The following IMPG1 variants were observed in gnomAD, a reference collection of about 807,000 sequenced individuals.
IMPG1 encodes interphotoreceptor matrix proteoglycan 1.
IMPG1 carries 85 observed loss-of-function variants against 92.0 expected under a neutral mutation model. That is an observed-to-expected ratio of 0.92 (90% confidence interval 0.78 to 1.11). The LOEUF is 1.11. Ranked by LOEUF, IMPG1 falls within the 50% of genes least tolerant of loss-of-function variation. The pLI is 0.00. For missense variants in IMPG1, 1,022 were observed against 956.0 expected (o/e 1.07, Z -0.91); for synonymous variants, 367 against 334.1 (o/e 1.10, Z -1.08).
At chr6:75,933,942 A>G (rs1419580666) in intron 14 of IMPG1, among the ~76,000 whole-genome samples, 1 of 152,236 alleles carries the variant, frequency 6.6e-6, no homozygotes, top group Non-Finnish European at 1.5e-5. Context: ...CATTTTAGCT[A>G]GTAAGTATGA....
At chr6:75,974,145 A>C (rs1052183921) in intron 12 of IMPG1, among the ~76,000 whole-genome samples, 1 of 152,224 alleles carries the variant, frequency 6.6e-6, no homozygotes, top group African/African-American at 2.4e-5. Flanking sequence ...GCTGTTTTTA[A>C]GATAATGCAA....
At chr6:76,035,251 C>G (rs1783720250) in intron 2 of IMPG1, among the ~76,000 whole-genome samples, 2 of 151,866 alleles carry the variant, frequency 1.3e-5, no homozygotes, top group Admixed American at 1.3e-4. Context: ...GCCTGTAATC[C>G]CAGCACTTTG....
At chr6:76,070,831 A>G (rs1784393200) in intron 1 of IMPG1, among the ~76,000 whole-genome samples, 1 of 152,072 alleles carries the variant, frequency 6.6e-6, no homozygotes. Context: ...GAGAGAGTGG[A>G]AGGGGAATGA....
intron 12 of IMPG1, among the ~76,000 whole-genome samples, chr6:75,972,017 G>C (rs1782427949): frequency 6.6e-6 from 1 of 152,036 alleles, no homozygotes; most frequent in South Asian, 2.1e-4. Context: ...TCTTATAATT[G>C]CATGACAGCT....
intron 13 of IMPG1, among the ~76,000 whole-genome samples, chr6:75,948,243 A>G (rs1448423832): frequency 6.6e-6 from 1 of 152,350 alleles, no homozygotes; most frequent in African/African-American, 2.4e-5. Context: ...TCTCAACAGT[A>G]TGCCCCATGG....
chr6:76,045,355 C>T (rs926180118), intron 1 of IMPG1, among the ~76,000 whole-genome samples: 2 of 151,742 alleles, frequency 1.3e-5, no homozygotes, highest in East Asian at 1.9e-4. Flanking sequence ...TCTGGTGCAG[C>T]GAACACCAAG....
intron 7 of IMPG1, 27 bp from the exon 8 acceptor site, chr6:76,011,251 T>C (rs373523211): frequency 2.5e-5 from 32 of 1,276,276 alleles, no homozygotes; most frequent in Non-Finnish European, 3.5e-5. Context: ...ATTTGTAAAA[T>C]ACTCTTTGGT....
intron 12 of IMPG1, among the ~76,000 whole-genome samples, chr6:75,982,080 G>C (rs1782636095): frequency 6.6e-6 from 1 of 152,084 alleles, no homozygotes; most frequent in Non-Finnish European, 1.5e-5. Flanking sequence ...AAAACAAACT[G>C]TATTTGAAGA....
chr6:76,053,483 C>A (rs1440620865), intron 1 of IMPG1, among the ~76,000 whole-genome samples: 1 of 152,108 alleles, frequency 6.6e-6, no homozygotes, highest in Non-Finnish European at 1.5e-5. Flanking sequence ...CAGGAGGAAG[C>A]TAACTTCAGA....
At chr6:75,987,335 A>C (rs1472505151) in intron 12 of IMPG1, among the ~76,000 whole-genome samples, 1 of 148,316 alleles carries the variant, frequency 6.7e-6, no homozygotes, top group Non-Finnish European at 1.5e-5. Context: ...TTTAAGTTCT[A>C]GGGTACATGT....
chr6:75,971,682 T>G (rs980282132), intron 12 of IMPG1, among the ~76,000 whole-genome samples: 1 of 152,296 alleles, frequency 6.6e-6, no homozygotes, highest in South Asian at 2.1e-4. Flanking sequence ...TGTGAAAAAC[T>G]TCAGTGTCTT....
chr6:75,989,517 T>C (rs911722004), intron 12 of IMPG1, among the ~76,000 whole-genome samples: 3 of 152,206 alleles, frequency 2.0e-5, no homozygotes, highest in Non-Finnish European at 2.9e-5. Context: ...GGTTTGAGGA[T>C]CTAAAGAGTA....
intron 1 of IMPG1, among the ~76,000 whole-genome samples, chr6:76,055,621 T>C (rs1784108254): frequency 6.6e-6 from 1 of 151,866 alleles, no homozygotes; most frequent in South Asian, 2.1e-4. Flanking sequence ...CAAACTTTTT[T>C]GGAAAATACT....
At chr6:75,936,449 TCAATGATAAATAGCA>T (rs1431240302) in intron 14 of IMPG1, among the ~76,000 whole-genome samples, 1 of 152,250 alleles carries the variant, frequency 6.6e-6, no homozygotes, top group East Asian at 1.9e-4. Context: ...GTGAGAATAT[TCAATGATAAATAGCA>T]CATAGCACAG....
intron 12 of IMPG1, among the ~76,000 whole-genome samples, chr6:75,974,371 CTTTCTTTCTTTCTTTCTTTCT>C (rs1562354559): frequency 4.5e-5 from 4 of 89,266 alleles, no homozygotes; most frequent in South Asian, 3.8e-4. Context: ...TTCTTTCTTT[CTTTCTTTCTTTCTTTCTTTCT>C]TTTCTTTCTT....
At chr6:75,942,246 C>G (rs530807879) in intron 14 of IMPG1, among the ~76,000 whole-genome samples, 1 of 152,112 alleles carries the variant, frequency 6.6e-6, no homozygotes, top group South Asian at 2.1e-4. Flanking sequence ...GCCTTTTTTT[C>G]TTGTCAAAGA....
At chr6:75,934,653 G>A (rs367694206) in intron 14 of IMPG1, among the ~76,000 whole-genome samples, 15 of 152,234 alleles carry the variant, frequency 9.9e-5, no homozygotes, top group East Asian at 5.8e-4. Flanking sequence ...GTCCAAGACT[G>A]CCTCTTTTTC....
rs189902714 is a variant in IMPG1, at chr6:75,939,247, G to T, written c.2044+8067C>A. On this transcript the variant is annotated intron_variant, in intron 14 of 16. Coordinates refer to ENST00000369950, the MANE Select transcript of IMPG1 (RefSeq NM_001563.4). ...AAGTTTTAGGGTACATGTGCACAACGTGCAGGTTTGTTACATATGTATACA... is the reference window on the plus strand; with the variant it reads ...AAGTTTTAGGGTACATGTGCACAACTTGCAGGTTTGTTACATATGTATACA... 3.9e-5 allele frequency among the ~76,000 whole-genome samples: 6 copies of T among 151,910 alleles called. No individual in the cohort carries two copies. In the South Asian group the frequency reaches 8.3e-4, roughly 21 times the overall value.
At chr6:76,018,344 G>C (rs537382496) in intron 7 of IMPG1, among the ~76,000 whole-genome samples, 1 of 152,192 alleles carries the variant, frequency 6.6e-6, no homozygotes, top group Non-Finnish European at 1.5e-5. Flanking sequence ...GTGATGAGAC[G>C]AAGTAAGGTA....
Sources: gnomAD v4.1 joint callset for allele counts (sites outside exome capture counted in the v4.1 genomes callset) on GRCh38, gnomAD v4.1.1 for gene constraint, MANE v1.5 for transcripts, NCBI Gene and HGNC (gene_info 2026-07-23, HGNC 2026-07-21) for gene names.